Variants in BNIP2 observed in about 807,000 individuals in gnomAD.
BNIP2 encodes the protein BCL2 interacting protein 2.
In BNIP2, 36 loss-of-function variants were observed where a neutral mutation model predicts 43.4. The observed-to-expected ratio is 0.83, with a 90% confidence interval of 0.64 to 1.10. The LOEUF is 1.10. Among genes scored for constraint, BNIP2 ranks in the 50% least tolerant of loss-of-function variants. The pLI, the probability that BNIP2 is intolerant of heterozygous loss-of-function variation, is 0.00. For synonymous variants in BNIP2, 146 were observed against 121.0 expected (o/e 1.21, Z -1.35); for missense variants, 417 against 374.1 (o/e 1.11, Z -0.95).
intron 5 of BNIP2, chr15:59,677,207 C>T: frequency 6.3e-7 from 1 of 1,595,020 alleles, no homozygotes; most frequent in Non-Finnish European, 8.6e-7. Context: ...ATGGGATATC[C>T]CAAGTAGTAC....
Position 59,678,059 on chromosome 15 carries a change from T to C in BNIP2, c.324A>G (p.Glu108=), listed in dbSNP as rs1893422146. ...CAGTAATTGAGCCTTTCCTAATTAC[T>C]TCAGTAGTCTTGGGTTTTGGAAGAT... ...EDDLPKPKTT[E]VIRKGSITEY... Residue 108 remains glutamate (E), a synonymous_variant, in exon 5 of 10, where the codon GAA becomes GAG. Transcript: ENST00000607373. 6.2e-7 allele frequency: 1 copy of C among 1,609,792 alleles called. No individual in the cohort carries two copies. Among genetic ancestry groups the C allele is most frequent in the Non-Finnish European group, 8.5e-7 (1 of 1,178,956 alleles).
chr15:59,688,626 T>C (rs1050083159), intron 1 of BNIP2: 7 of 1,360,310 alleles, frequency 5.1e-6, no homozygotes, highest in Non-Finnish European at 6.0e-6. Context: ...GACTCGGCTT[T>C]TGACGTACAC....
chr15:59,676,751 G>C, intron 5 of BNIP2: 1 of 1,408,200 alleles, frequency 7.1e-7, no homozygotes, highest in Non-Finnish European at 9.7e-7. Context: ...GCAGAGTTGG[G>C]GTGTCATGGA....
intron 5 of BNIP2, among the ~76,000 whole-genome samples, chr15:59,676,189 G>C (rs374372044): frequency 6.6e-6 from 1 of 152,028 alleles, no homozygotes; most frequent in Admixed American, 6.5e-5. Flanking sequence ...TTTTGAGACA[G>C]GGTCAAAAAC....
rs570409810 is a variant in BNIP2 at position 59,676,276 on chromosome 15, C to T, written c.472+1635G>A. ...CCTCATCTTCCCAAGCTCAAGCTCT[C>T]TCTCCTCCCACCCCAGCCTCCTAAG... On this transcript the variant is annotated intron_variant, in intron 5 of 9. Transcript: ENST00000607373. Among the ~76,000 whole-genome samples the T allele has an allele frequency of 1.1e-3, 166 of 152,314 alleles. 1 individual carries two copies. The highest frequency in any genetic ancestry group is 6.8e-3 in the Middle Eastern group (2 of 294).
At chr15:59,688,432 G>C (rs888886215) in intron 1 of BNIP2, 1 of 304,358 alleles carries the variant, frequency 3.3e-6, no homozygotes, top group Non-Finnish European at 6.3e-6. Flanking sequence ...CAATCACATA[G>C]TTTATTCAAT....
intron 7 of BNIP2, among the ~76,000 whole-genome samples, chr15:59,669,821 A>G (rs1207884752): frequency 6.6e-6 from 1 of 152,220 alleles, no homozygotes; most frequent in African/African-American, 2.4e-5. Context: ...CCTATTCTTA[A>G]GGAATTTAAA....
Position 59,682,506 on chromosome 15 carries a change from G to A in BNIP2, c.-49C>T. The A allele has an allele frequency of 6.2e-7, 1 of 1,611,888 alleles. No homozygotes were observed. The highest frequency in any genetic ancestry group is 8.5e-7 in the Non-Finnish European group (1 of 1,179,136). Reference sequence around the variant, plus strand: ...CTACAAACTCTTGATAATCCAGGGAGCCAATGTCCTATGAAGAGAGAAAAA... The same window carrying A: ...CTACAAACTCTTGATAATCCAGGGAACCAATGTCCTATGAAGAGAGAAAAA... On this transcript the variant is annotated 5_prime_UTR_variant, in exon 2 of 10. Transcript: ENST00000607373.
chr15:59,670,531 G>T (rs1892834477), intron 7 of BNIP2, among the ~76,000 whole-genome samples: 2 of 152,128 alleles, frequency 1.3e-5, no homozygotes, highest in South Asian at 4.1e-4. Context: ...TCCATCCTTT[G>T]CCAAGACGTA....
intron 9 of BNIP2, 139 bp downstream of exon 9, chr15:59,668,751 CTT>C (rs1892713934): frequency 1.6e-6 from 1 of 644,902 alleles, no homozygotes; most frequent in Non-Finnish European, 2.4e-6. Context: ...TCCTCTTTTT[CTT>C]TGTTACACAC....
intron 8 of BNIP2, 123 bp downstream of exon 8, chr15:59,669,153 T>G: frequency 3.0e-6 from 3 of 1,007,772 alleles, no homozygotes; most frequent in Non-Finnish European, 1.5e-6. Flanking sequence ...TTGATCATTA[T>G]ACAATGTATA....
At chr15:59,676,000 A>G (rs1893260567) in intron 5 of BNIP2, among the ~76,000 whole-genome samples, 1 of 152,202 alleles carries the variant, frequency 6.6e-6, no homozygotes, top group Non-Finnish European at 1.5e-5. Flanking sequence ...GACAATGAAA[A>G]TGTTCTACAT....
At chr15:59,682,260 G>A in intron 2 of BNIP2, 148 bp downstream of exon 2, 1 of 569,386 alleles carries the variant, frequency 1.8e-6, no homozygotes, top group Non-Finnish European at 3.0e-6. Flanking sequence ...CCAGGAGGCG[G>A]AGGTTGCAGT....
chr15:59,677,306 A>G, intron 5 of BNIP2: 4 of 1,578,022 alleles, frequency 2.5e-6, no homozygotes, highest in Admixed American at 3.6e-5. Flanking sequence ...AGAAAGCCAC[A>G]TCAACAAGCC....
chr15:59,665,795 G>A (rs1288049997), intron 9 of BNIP2, among the ~76,000 whole-genome samples: 1 of 152,158 alleles, frequency 6.6e-6, no homozygotes, highest in Non-Finnish European at 1.5e-5. Flanking sequence ...AATAACTGAT[G>A]AAGGGACCTT....
At chr15:59,675,094 CA>C (rs1285743850) in intron 5 of BNIP2, among the ~76,000 whole-genome samples, 2 of 151,314 alleles carry the variant, frequency 1.3e-5, no homozygotes, top group Non-Finnish European at 2.9e-5. Flanking sequence ...ACTAAAAATA[CA>C]AAAATTAGCC....
chr15:59,673,795 A>T (rs1208505687), intron 5 of BNIP2, among the ~76,000 whole-genome samples: 2 of 152,168 alleles, frequency 1.3e-5, no homozygotes, highest in Non-Finnish European at 2.9e-5. Flanking sequence ...TAGGACATTA[A>T]AACTAAATTA....
At chr15:59,676,546 C>T (rs1447895231) in intron 5 of BNIP2, among the ~76,000 whole-genome samples, 1 of 152,128 alleles carries the variant, frequency 6.6e-6, no homozygotes, top group African/African-American at 2.4e-5. Flanking sequence ...TGCATATAAT[C>T]ATTTTTAAAT....
Position 59,664,057 on chromosome 15 carries a change from T to G in BNIP2, c.*12A>C, listed in dbSNP as rs6151583. On this transcript the variant is annotated 3_prime_UTR_variant, in exon 10 of 10. Coordinates refer to ENST00000607373, the MANE Select transcript of BNIP2 (RefSeq NM_004330.4). ...GCACATTCTTCAGTCTTGTTTGGAC[T>G]AGATGCCAAACTTACTGTTCATTTT... 3 of 1,542,868 alleles carry G rather than the reference T, an allele frequency of 1.9e-6. No homozygotes were observed. Among genetic ancestry groups the G allele is most frequent in the Non-Finnish European group, 2.6e-6 (3 of 1,140,702 alleles).
Sources: allele counts gnomAD v4.1 joint callset (sites outside exome capture counted in the v4.1 genomes callset), GRCh38; gene constraint gnomAD v4.1.1; transcripts MANE v1.5; gene names NCBI Gene and HGNC (gene_info 2026-07-23, HGNC 2026-07-21).